Variants in GPC6 observed in about 807,000 individuals in gnomAD.
GPC6 encodes the protein glypican 6.
Under a neutral mutation model 55.2 loss-of-function variants are expected in GPC6, and 14 were observed. That is an observed-to-expected ratio of 0.25 (90% CI 0.17 to 0.40). The LOEUF (loss-of-function observed/expected upper bound fraction) is 0.40. Among genes scored for constraint, GPC6 ranks in the 10% least tolerant of loss-of-function variants. GPC6 has a pLI of 1.00. For synonymous variants in GPC6, 278 were observed against 259.6 expected (o/e 1.07, Z -0.68); for missense variants, 641 against 708.5 (o/e 0.90, Z 1.08).
At chr13:94,298,947 C>A (rs1170530651) in intron 5 of GPC6, among the ~76,000 whole-genome samples, 1 of 152,146 alleles carries the variant, frequency 6.6e-6, no homozygotes, top group South Asian at 2.1e-4. Flanking sequence ...CCTTTCCTAT[C>A]TTTTCTTTCT....
intron 1 of GPC6, among the ~76,000 whole-genome samples, chr13:93,523,282 T>C (rs1881506183): frequency 1.3e-5 from 2 of 149,834 alleles, no homozygotes; most frequent in South Asian, 4.1e-4. Context: ...TATTTATATA[T>C]GTGTGTGTAA....
chr13:93,411,061 C>T (rs1876476565), intron 1 of GPC6, among the ~76,000 whole-genome samples: 1 of 152,180 alleles, frequency 6.6e-6, no homozygotes, highest in Admixed American at 6.5e-5. Flanking sequence ...TATTATCCAT[C>T]TCATGACTGT....
intron 2 of GPC6, among the ~76,000 whole-genome samples, chr13:93,768,735 G>A (rs1885199424): frequency 6.6e-6 from 1 of 152,144 alleles, no homozygotes; most frequent in Non-Finnish European, 1.5e-5. Context: ...AAAGATAAAT[G>A]CTGGCTTATG....
At chr13:93,676,166 TATACATACAC>T (rs1724673295) in intron 2 of GPC6, among the ~76,000 whole-genome samples, 1 of 35,656 alleles carries the variant, frequency 2.8e-5, no homozygotes, top group African/African-American at 8.9e-5. Context: ...TATATATATA[TATACATACAC>T]ACACACACAC....
At chr13:93,551,723 A>G (rs1875169473) in intron 2 of GPC6, among the ~76,000 whole-genome samples, 1 of 152,174 alleles carries the variant, frequency 6.6e-6, no homozygotes, top group African/African-American at 2.4e-5. Flanking sequence ...ATCATAATCT[A>G]CCATAGTCCT....
chr13:93,854,236 G>GCTGA lies in GPC6; in HGVS notation c.711+23691_711+23692insCTGA, dbSNP rs540125927. On this transcript the variant is annotated intron_variant, in intron 3 of 8. Coordinates refer to ENST00000377047, the MANE Select transcript of GPC6 (RefSeq NM_005708.5). Reference sequence around the variant, plus strand: ...TTCATAAACACTGAGTGAGCAGTTTGGGGAACAGCAATAATCTTTTTTCCT... The same window carrying GCTGA: ...TTCATAAACACTGAGTGAGCAGTTTGCTGAGGGAACAGCAATAATCTTTTTTCCT... 2.9e-3 allele frequency among the ~76,000 whole-genome samples: 443 copies of GCTGA among 151,638 alleles called. 5 individuals carry two copies. The highest frequency in any genetic ancestry group is 1.0e-2 in the African/African-American group (414 of 41,440).
chr13:94,020,466 A>G (rs551562660), intron 3 of GPC6, among the ~76,000 whole-genome samples: 1 of 152,286 alleles, frequency 6.6e-6, no homozygotes, highest in East Asian at 1.9e-4. Context: ...TGTTTTTATT[A>G]GATTCCAGTG....
intron 2 of GPC6, among the ~76,000 whole-genome samples, chr13:93,714,835 A>G (rs766953283): frequency 5.3e-5 from 8 of 151,544 alleles, no homozygotes; most frequent in African/African-American, 9.7e-5. Flanking sequence ...AGGGAGGGTT[A>G]TTCATAAGCT....
chr13:94,296,989 A>G (rs905855781), intron 5 of GPC6, among the ~76,000 whole-genome samples: 18 of 152,114 alleles, frequency 1.2e-4, no homozygotes, highest in Non-Finnish European at 2.6e-4. Flanking sequence ...ACACATTAAT[A>G]ATGTGTTTAT....
intron 4 of GPC6, among the ~76,000 whole-genome samples, chr13:94,051,603 T>C (rs1341343648): frequency 6.6e-6 from 1 of 152,122 alleles, no homozygotes; most frequent in African/African-American, 2.4e-5. Flanking sequence ...TAATAGCATA[T>C]ATAATGGAAA....
intron 2 of GPC6, among the ~76,000 whole-genome samples, chr13:93,772,456 A>C (rs371299862): frequency 6.6e-6 from 1 of 152,148 alleles, no homozygotes. Context: ...TTTCAAGGAT[A>C]GAAAGAAGGA....
intron 4 of GPC6, among the ~76,000 whole-genome samples, chr13:94,150,148 G>A (rs908450153): frequency 4.6e-5 from 7 of 151,964 alleles, no homozygotes; most frequent in African/African-American, 1.2e-4. Flanking sequence ...TATTAAAGGC[G>A]GATGCATCCA....
intron 3 of GPC6, among the ~76,000 whole-genome samples, chr13:93,930,287 T>TTTTTTTTTTTTTTTTTTTTTC: frequency 6.7e-6 from 1 of 148,356 alleles, no homozygotes; most frequent in African/African-American, 2.5e-5. Context: ...TTTTTTTTTT[T>TTTTTTTTTTTTTTTTTTTTTC]TGTAGACAGA....
intron 1 of GPC6, among the ~76,000 whole-genome samples, chr13:93,513,225 A>G (rs72641606): frequency 0.13 from 19,203 of 152,180 alleles, 1,377 homozygotes; most frequent in East Asian, 0.29. Context: ...TACAGCTCAG[A>G]CTTTAAATCT....
chr13:94,189,667 A>G (rs1164762123), intron 4 of GPC6, among the ~76,000 whole-genome samples: 1 of 152,194 alleles, frequency 6.6e-6, no homozygotes, highest in African/African-American at 2.4e-5. Context: ...GAGTATCAAA[A>G]CTTAAAAAAT....
chr13:93,907,671 G>C (rs930887972), intron 3 of GPC6, among the ~76,000 whole-genome samples: 23 of 152,214 alleles, frequency 1.5e-4, no homozygotes, highest in African/African-American at 5.3e-4. Context: ...GCCAGACAGA[G>C]GTGCGACCAG....
At chr13:93,946,489 G>A (rs1385266667) in intron 3 of GPC6, among the ~76,000 whole-genome samples, 2 of 152,078 alleles carry the variant, frequency 1.3e-5, no homozygotes, top group African/African-American at 4.8e-5. Flanking sequence ...TTTAAATAAT[G>A]ACTCTATTTA....
At chr13:93,529,038 C>T (rs1182896232) in intron 1 of GPC6, among the ~76,000 whole-genome samples, 1 of 152,130 alleles carries the variant, frequency 6.6e-6, no homozygotes, top group East Asian at 1.9e-4. Flanking sequence ...TCACTGCTTA[C>T]ACACAATATC....
At chr13:93,219,248 C>T in the GPC6 span, among the ~76,000 whole-genome samples, 76 of 152,198 alleles carry the variant, frequency 5.0e-4, no homozygotes, top group African/African-American at 1.8e-3. Flanking sequence ...CTCATACCAC[C>T]ACGCCCAGCT....
Sources: gnomAD v4.1 joint callset for allele counts (sites outside exome capture counted in the v4.1 genomes callset) on GRCh38, gnomAD v4.1.1 for gene constraint, MANE v1.5 for transcripts, NCBI Gene and HGNC (gene_info 2026-07-23, HGNC 2026-07-21) for gene names.